TMEM184A: variants seen among roughly 807,000 people sequenced by gnomAD.
TMEM184A encodes the protein sexually dimorphic, expressed in male gonads 1.
TMEM184A carries 40 observed loss-of-function variants against 39.5 expected under a neutral mutation model. The observed-to-expected ratio is 1.01, with a 90% confidence interval of 0.79 to 1.32. TMEM184A has a LOEUF of 1.32. Among genes scored for constraint, TMEM184A ranks in the 40% most tolerant of loss-of-function variants. TMEM184A has a pLI of 0.00. For missense variants in TMEM184A, 603 were observed against 568.8 expected (o/e 1.06, Z -0.61); for synonymous variants, 280 against 252.3 (o/e 1.11, Z -1.04).
In TMEM184A at chr7:1,548,664, C is replaced by G; in HGVS notation, c.669G>C (p.Val223=). ...DFNVRSGYLY[V]TLIYNASVSL... ...TGACGGAGGCGTTGTAGATGAGGGT[C>G]ACATAGAGGTAGCCGCTGCGGACAC... Residue 223 remains valine (V), a synonymous_variant, in exon 7 of 9, where the codon GTG becomes GTC. Coordinates refer to ENST00000297477, the MANE Select transcript of TMEM184A (RefSeq NM_001097620.2). 1 of 1,613,772 alleles carries G rather than the reference C, an allele frequency of 6.2e-7. No homozygotes were observed. The highest frequency in any genetic ancestry group is 8.5e-7 in the Non-Finnish European group (1 of 1,179,964).
At chr7:1,548,129 C>T (rs1278057596) in intron 7 of TMEM184A, among the ~76,000 whole-genome samples, 190 bp from the exon 8 acceptor site, 1 of 152,140 alleles carries the variant, frequency 6.6e-6, no homozygotes, top group Non-Finnish European at 1.5e-5. Flanking sequence ...ACAGCAGGTG[C>T]TCAGGAGCTC....
In TMEM184A at chr7:1,547,687, G is replaced by A; in HGVS notation, c.1012+55C>T. The A allele has an allele frequency of 2.6e-6, 4 of 1,540,084 alleles. No homozygotes were observed. The South Asian group carries it at 4.7e-5, about 18-fold the overall frequency. On this transcript the variant is annotated intron_variant, in intron 8 of 8. Transcript: ENST00000297477. ...CGAGAATGGCACGGACACAGACACG[G>A]TGCCCGGGGCAGGGCTGTGCGCTCC...
chr7:1,550,532 A>AC (rs1200763130), intron 3 of TMEM184A, 137 bp from the exon 4 acceptor site: 11 of 775,902 alleles, frequency 1.4e-5, no homozygotes, highest in Admixed American at 2.7e-5. Flanking sequence ...CTCCTGATGG[A>AC]CCCCATCCCC....
chr7:1,546,597 C>G lies in TMEM184A; in HGVS notation c.*355G>C, dbSNP rs941270987. The G allele has an allele frequency of 4.4e-6, 1 of 226,792 alleles. No individual in the cohort carries two copies. Among genetic ancestry groups the G allele is most frequent in the African/African-American group, 2.3e-5 (1 of 44,072 alleles). 14.0% of individuals were successfully genotyped at this position (226,792 alleles called of 1,614,324 possible). On this transcript the variant is annotated 3_prime_UTR_variant, in exon 9 of 9. Coordinates refer to ENST00000297477, the MANE Select transcript of TMEM184A (RefSeq NM_001097620.2). ...TGTCTCCTGAACCAGGGAGTCTGAC[C>G]CACTCACAGCTCCCATGGGGTCCGT...
At position 1,547,804 on chromosome 7, in the gene TMEM184A, G is replaced by A. The variant is rs61747419; in HGVS notation, c.950C>T (p.Ser317Phe). The change falls in exon 8 of 9, where the codon TCC becomes TTC. Residue 317 changes from serine (S) to phenylalanine (F), a missense_variant. Coordinates refer to ENST00000297477, the MANE Select transcript of TMEM184A (RefSeq NM_001097620.2). Reference sequence around the variant, plus strand: ...GGGGAAGGCATAACGCAGGGCCACGGAGGCGAACAGCATCTCCACGCAGAT... The same window carrying A: ...GGGGAAGGCATAACGCAGGGCCACGAAGGCGAACAGCATCTCCACGCAGAT... ...FIICVEMLFASVALRYAFPCQ... is the reference protein window; with the variant it reads ...FIICVEMLFAFVALRYAFPCQ... 9.0e-3 allele frequency: 14,546 copies of A among 1,612,914 alleles called. 76 individuals carry two copies. Among genetic ancestry groups the A allele is most frequent in the Non-Finnish European group, 0.01 (11,848 of 1,179,868 alleles).
intron 2 of TMEM184A, among the ~76,000 whole-genome samples, chr7:1,552,419 G>T (rs1212800055): frequency 6.6e-6 from 1 of 151,924 alleles, no homozygotes; most frequent in Admixed American, 6.6e-5. Flanking sequence ...GCATTTCTTT[G>T]CGGGGAGGAC....
intron 2 of TMEM184A, among the ~76,000 whole-genome samples, chr7:1,551,326 G>C (rs554885387): frequency 4.8e-5 from 7 of 144,850 alleles, no homozygotes; most frequent in African/African-American, 1.6e-4. Context: ...CACAAGCCCA[G>C]GTGAGCCGGG....
intron 6 of TMEM184A, chr7:1,549,229 T>C (rs1412842151): frequency 6.8e-6 from 3 of 439,046 alleles, no homozygotes; most frequent in South Asian, 3.2e-5. Context: ...TGTGAACATG[T>C]GATGCACGTG....
At chr7:1,548,010 C>G (rs545978249) in intron 7 of TMEM184A, 71 bp from the exon 8 acceptor site, 1 of 1,485,738 alleles carries the variant, frequency 6.7e-7, no homozygotes, top group Non-Finnish European at 9.0e-7. Context: ...CCCCAGACCC[C>G]GCAGCGGCTC....
rs1420779187 is a variant in TMEM184A, at chr7:1,555,877, C to T, written c.-1+237G>A. ...GGGGAGCGGGCGCAGACCAGCACTGCCTGCCCCGGCAGGAGGGGGTGTGCA... is the reference window on the plus strand; with the variant it reads ...GGGGAGCGGGCGCAGACCAGCACTGTCTGCCCCGGCAGGAGGGGGTGTGCA... On this transcript the variant is annotated intron_variant, in intron 1 of 8. Transcript: ENST00000297477. This position sits in a 1 kb window ranked among gnomAD's most constrained non-coding sequence, Gnocchi z 5.2. 3.2e-5 allele frequency: 9 copies of T among 280,518 alleles called. No homozygotes were observed. Among genetic ancestry groups the T allele is most frequent in the Non-Finnish European group, 6.1e-5 (9 of 146,874 alleles). The allele number at this position is 280,518 out of a possible 1,614,324, so 17.4% of individuals were successfully genotyped here. A position where few individuals can be genotyped will look rare whatever the true frequency, so the allele number is the denominator to read the frequency against.
At chr7:1,549,175 T>C (rs1224020012) in intron 6 of TMEM184A, 2 of 457,916 alleles carry the variant, frequency 4.4e-6, no homozygotes, top group African/African-American at 2.0e-5. Context: ...TGTACATACA[T>C]GTGTGGTGGT....
At chr7:1,553,910 G>C (rs1056905330) in intron 2 of TMEM184A, among the ~76,000 whole-genome samples, 3 of 152,202 alleles carry the variant, frequency 2.0e-5, no homozygotes, top group Non-Finnish European at 4.4e-5. Context: ...TCCAGCCCAA[G>C]GGGTCTCCAT....
At chr7:1,548,095 G>A (rs926907743) in intron 7 of TMEM184A, among the ~76,000 whole-genome samples, 156 bp from the exon 8 acceptor site, 6 of 152,164 alleles carry the variant, frequency 3.9e-5, no homozygotes, top group African/African-American at 7.2e-5. Context: ...GGGGCAGGGC[G>A]CCTCCAAAGT....
In TMEM184A at chr7:1,555,923, C is replaced by T. The variant is rs181003632; in HGVS notation, c.-1+191G>A. 6.5e-5 allele frequency: 16 copies of T among 244,578 alleles called. No homozygotes were observed. The highest frequency in any genetic ancestry group is 3.5e-4 in the Admixed American group (6 of 17,114). The allele number at this position is 244,578 out of a possible 1,614,324, so 15.2% of individuals were successfully genotyped here. A position where few individuals can be genotyped will look rare whatever the true frequency, so the allele number is the denominator to read the frequency against. On this transcript the variant is annotated intron_variant, in intron 1 of 8. Transcript: ENST00000297477. The surrounding 1 kb of genome is among the most constrained non-coding windows in gnomAD (Gnocchi z 5.2). Reference sequence around the variant, plus strand: ...GTGCAGCCACCCTCATGGGAGGAGCCGGCCCTCACTGGCTCTGGGACCTGT... The same window carrying T: ...GTGCAGCCACCCTCATGGGAGGAGCTGGCCCTCACTGGCTCTGGGACCTGT...
rs766707030 is a variant in TMEM184A, at chr7:1,550,182, C to T, written c.493G>A (p.Gly165Ser). The T allele has an allele frequency of 5.6e-6, 9 of 1,608,418 alleles. No individual in the cohort carries two copies. Among genetic ancestry groups the T allele is most frequent in the Admixed American group, 3.4e-5 (2 of 59,400 alleles). Residue 165 changes from glycine (G) to serine (S), a missense_variant, in exon 5 of 9, where the codon GGC becomes AGC. Transcript: ENST00000297477. ...GKPIKSSCLY[G>S]TCCLRGMTYS... ...GTCATGCCCCGGAGGCAGCAGGTGC[C>T]GTACAAGCAGCTGGACCTGCGGGGG...
intron 3 of TMEM184A, among the ~76,000 whole-genome samples, 159 bp downstream of exon 3, chr7:1,550,658 G>C (rs904973344): frequency 2.0e-5 from 3 of 152,160 alleles, no homozygotes; most frequent in African/African-American, 7.2e-5. Flanking sequence ...GTGTGTTCCA[G>C]GCCTGCCAGC....
At position 1,555,580 on chromosome 7, in the gene TMEM184A, A is replaced by T; in HGVS notation, c.1-96T>A. ...AGCGGGGGAGGGAGGAGACAGTGAG[A>T]CGGGAGCTGAGGCTGAGCCACCCAC... On this transcript the variant is annotated intron_variant, in intron 1 of 8. Coordinates refer to ENST00000297477, the MANE Select transcript of TMEM184A (RefSeq NM_001097620.2). This position sits in a 1 kb window ranked among gnomAD's most constrained non-coding sequence, Gnocchi z 5.2. The T allele has an allele frequency of 2.1e-6, 2 of 938,550 alleles. No homozygotes were observed. The highest frequency in any genetic ancestry group is 3.4e-6 in the Non-Finnish European group (2 of 596,014). 58.1% of individuals were successfully genotyped at this position (938,550 alleles called of 1,614,324 possible). A position where few individuals can be genotyped will look rare whatever the true frequency, so the allele number is the denominator to read the frequency against.
Position 1,549,965 on chromosome 7 carries a change from G to C in TMEM184A, c.553-20C>G. 1 of 1,611,928 alleles carries C rather than the reference G, an allele frequency of 6.2e-7. No homozygotes were observed. Among genetic ancestry groups the C allele is most frequent in the South Asian group, 1.1e-5 (1 of 90,962 alleles). ...AGTGGCCTGGGGGCGACGGCACCCGGTGGGCCTGGGGCCAGGTCCCCCAGG... is the reference window on the plus strand; with the variant it reads ...AGTGGCCTGGGGGCGACGGCACCCGCTGGGCCTGGGGCCAGGTCCCCCAGG... On this transcript the variant is annotated intron_variant, in intron 5 of 8. Transcript: ENST00000297477.
intron 2 of TMEM184A, 71 bp from the exon 3 acceptor site, chr7:1,551,053 A>T: frequency 7.2e-7 from 1 of 1,383,504 alleles, no homozygotes; most frequent in Non-Finnish European, 9.7e-7. Context: ...GTGAGCCGGG[A>T]AGGAGGTGGG....
Sources: gnomAD v4.1 joint callset for allele counts (sites outside exome capture counted in the v4.1 genomes callset) on GRCh38, gnomAD v4.1.1 for gene constraint, Gnocchi (gnomAD v3.1) non-coding constraint, MANE v1.5 for transcripts, NCBI Gene and HGNC (gene_info 2026-07-23, HGNC 2026-07-21) for gene names.